RAB11FIP3: variants seen among roughly 807,000 people sequenced by gnomAD.
RAB11FIP3 encodes rab11 family-interacting protein 3.
In RAB11FIP3, 17 loss-of-function variants were observed where a neutral mutation model predicts 77.8. The ratio of observed to expected loss-of-function variants is 0.22; its 90% CI spans 0.15 to 0.33. RAB11FIP3 has a LOEUF of 0.33. Ranked by LOEUF, RAB11FIP3 falls within the 10% of genes least tolerant of loss-of-function variation. RAB11FIP3 has a pLI of 1.00. For missense variants in RAB11FIP3, 1,005 were observed against 1,011.2 expected (o/e 0.99, Z 0.08); for synonymous variants, 437 against 448.2 (o/e 0.98, Z 0.31).
At chr16:502,758 A>G (rs987853268) in intron 6 of RAB11FIP3, 2 of 547,358 alleles carry the variant, frequency 3.7e-6, no homozygotes, top group Non-Finnish European at 6.3e-6. Context: ...AAAGAGCGCC[A>G]GGAAGACTCT....
In RAB11FIP3 at chr16:507,230, G is replaced by A. The variant is rs1442138963; in HGVS notation, c.1499+1603G>A. ...AGGTTCAAGCGATTCTTCTGCCTCA[G>A]CCTCCTGAGTAGCTGGGACTTGCAG... On this transcript the variant is annotated intron_variant, in intron 8 of 13. Transcript: ENST00000262305. The surrounding 1 kb of genome is among the most constrained non-coding windows in gnomAD (Gnocchi z 4.6). Among the ~76,000 whole-genome samples, 3 of 151,702 alleles carry A rather than the reference G, an allele frequency of 2.0e-5. No homozygotes were observed. Among genetic ancestry groups the A allele is most frequent in the African/African-American group, 7.3e-5 (3 of 41,220 alleles).
At chr16:445,776 G>T (rs1010943126) in intron 1 of RAB11FIP3, among the ~76,000 whole-genome samples, 1 of 152,122 alleles carries the variant, frequency 6.6e-6, no homozygotes, top group Non-Finnish European at 1.5e-5. Context: ...CTGTGCTCTC[G>T]GCGGGAGGTG....
Position 518,745 on chromosome 16 carries a change from A to C in RAB11FIP3, c.1641-198A>C, listed in dbSNP as rs561463165. ...GCCTCAAGAAAAAAATAAAAAAATA[A>C]TACTAAAACCTTCAAGGATTACGGA... On this transcript the variant is annotated intron_variant, in intron 9 of 13. Transcript: ENST00000262305. Among the ~76,000 whole-genome samples, 5 of 152,084 alleles carry C rather than the reference A, an allele frequency of 3.3e-5. No individual in the cohort carries two copies. In the South Asian group the frequency reaches 8.3e-4, roughly 25 times the overall value.
At chr16:442,329 G>A (rs543756292) in intron 1 of RAB11FIP3, among the ~76,000 whole-genome samples, 13 of 152,228 alleles carry the variant, frequency 8.5e-5, no homozygotes, top group Non-Finnish European at 1.6e-4. Context: ...TTGAAATGGG[G>A]TTGCTATTCC....
chr16:522,245 A>AATATATATATAT lies in RAB11FIP3; in HGVS notation c.*1423_*1434dup, dbSNP rs57161308. ...AAGAGAAAACTGTGTATACACATGA[A>AATATATATATAT]ATATATATATATATATATATATATA... is the stretch of plus-strand genomic sequence containing the variant. On this transcript the variant is annotated 3_prime_UTR_variant, in exon 14 of 14. Transcript: ENST00000262305. The AATATATATATAT allele has an allele frequency of 7.4e-5, 10 of 134,676 alleles. No homozygotes were observed. Among genetic ancestry groups the AATATATATATAT allele is most frequent in the East Asian group, 4.4e-4 (2 of 4,546 alleles). The allele number at this position is 134,676 out of a possible 1,614,324, so 8.3% of individuals were successfully genotyped here. A position where few individuals can be genotyped will look rare whatever the true frequency, so the allele number is the denominator to read the frequency against.
intron 5 of RAB11FIP3, among the ~76,000 whole-genome samples, chr16:492,088 T>C (rs2030260811): frequency 6.6e-6 from 1 of 152,238 alleles, no homozygotes; most frequent in African/African-American, 2.4e-5. Flanking sequence ...GCCTGCCCTG[T>C]CCCTGCCCCA....
chr16:475,414 C>T (rs1254168930), intron 3 of RAB11FIP3, among the ~76,000 whole-genome samples: 1 of 152,232 alleles, frequency 6.6e-6, no homozygotes, highest in Non-Finnish European at 1.5e-5. Context: ...CAGGTCCTGG[C>T]TGGCTGGCAA....
At chr16:431,469 A>G (rs1442883026) in intron 1 of RAB11FIP3, among the ~76,000 whole-genome samples, 1 of 150,616 alleles carries the variant, frequency 6.6e-6, no homozygotes, top group Non-Finnish European at 1.5e-5. Context: ...AACCTCCACC[A>G]CGTGGGTTCA....
At position 461,373 on chromosome 16, in the gene RAB11FIP3, A is replaced by G; in HGVS notation, c.715-31A>G. 1.0e-5 allele frequency: 16 copies of G among 1,589,160 alleles called. No homozygotes were observed. The highest frequency in any genetic ancestry group is 1.3e-5 in the Non-Finnish European group (15 of 1,159,984). On this transcript the variant is annotated intron_variant, in intron 1 of 13. Coordinates refer to ENST00000262305, the MANE Select transcript of RAB11FIP3 (RefSeq NM_014700.4). The surrounding 1 kb of genome is among the most constrained non-coding windows in gnomAD (Gnocchi z 4.5). ...TTGGGGACCCCTGCTGTAAAGGCTT[A>G]GGGTAACCTAGTCTCATTTGGCAAT...
At chr16:466,495 G>A (rs1382141355) in intron 2 of RAB11FIP3, among the ~76,000 whole-genome samples, 1 of 152,192 alleles carries the variant, frequency 6.6e-6, no homozygotes, top group African/African-American at 2.4e-5. Flanking sequence ...CAGCTCAGGA[G>A]TCAGGGTGTG....
At chr16:481,380 A>ACATG (rs1274551447) in intron 3 of RAB11FIP3, among the ~76,000 whole-genome samples, 1 of 152,046 alleles carries the variant, frequency 6.6e-6, no homozygotes, top group Non-Finnish European at 1.5e-5. Context: ...GCATGATGGT[A>ACATG]CATGCTTGTC....
intron 1 of RAB11FIP3, among the ~76,000 whole-genome samples, chr16:445,130 A>G (rs1363684554): frequency 1.4e-5 from 2 of 141,174 alleles, no homozygotes; most frequent in South Asian, 2.2e-4. Context: ...AAAAAAAAAA[A>G]AGAAAAAAAG....
intron 3 of RAB11FIP3, 107 bp from the exon 4 acceptor site, chr16:482,418 C>G (rs771683109): frequency 9.6e-7 from 1 of 1,040,140 alleles, no homozygotes. Context: ...GCGTCAGACC[C>G]CTCCCTCCAC....
intron 8 of RAB11FIP3, among the ~76,000 whole-genome samples, chr16:509,759 C>G (rs1310214619): frequency 1.3e-5 from 2 of 152,318 alleles, no homozygotes; most frequent in South Asian, 4.1e-4. Context: ...GGCCCCCCCC[C>G]CACTTGTGGC....
At chr16:510,208 C>T (rs896772868) in intron 8 of RAB11FIP3, among the ~76,000 whole-genome samples, 4 of 145,478 alleles carry the variant, frequency 2.7e-5, no homozygotes, top group Admixed American at 1.4e-4. Context: ...TGAGCGCACG[C>T]GTTGTGTGTA....
intron 1 of RAB11FIP3, among the ~76,000 whole-genome samples, chr16:427,994 G>C (rs2054978972): frequency 6.6e-6 from 1 of 151,966 alleles, no homozygotes; most frequent in Non-Finnish European, 1.5e-5. Context: ...CTAGCTACTC[G>C]GGAGGCTGAG....
intron 1 of RAB11FIP3, among the ~76,000 whole-genome samples, chr16:439,095 C>T (rs910421965): frequency 6.6e-6 from 1 of 152,204 alleles, no homozygotes; most frequent in Non-Finnish European, 1.5e-5. Context: ...GTGATCCTCC[C>T]GCCTTAGCCT....
At chr16:487,170 G>A (rs191335516) in intron 4 of RAB11FIP3, among the ~76,000 whole-genome samples, 7 of 144,934 alleles carry the variant, frequency 4.8e-5, no homozygotes, top group Admixed American at 3.6e-4. Flanking sequence ...TGGCTCTGTC[G>A]CCCAGGCTGG....
chr16:494,515 G>A (rs933898646), intron 5 of RAB11FIP3, among the ~76,000 whole-genome samples: 12 of 151,814 alleles, frequency 7.9e-5, no homozygotes, highest in Admixed American at 3.9e-4. Flanking sequence ...CCAGCTACTC[G>A]GGAGGCTGAG....
Sources: allele counts gnomAD v4.1 joint callset (sites outside exome capture counted in the v4.1 genomes callset), GRCh38; gene constraint gnomAD v4.1.1; non-coding constraint Gnocchi (gnomAD v3.1); transcripts MANE v1.5; gene names NCBI Gene and HGNC (gene_info 2026-07-23, HGNC 2026-07-21).